Variants in POMC observed in about 807,000 individuals in gnomAD.
POMC encodes the protein proopiomelanocortin, also known as pro-opiomelanocortin.
Under a neutral mutation model 18.5 loss-of-function variants are expected in POMC, and 19 were observed. That is an observed-to-expected ratio of 1.03 (90% CI 0.72 to 1.51). The LOEUF (loss-of-function observed/expected upper bound fraction) is 1.51, where lower values mean the gene tolerates loss of function less well. Ranked by LOEUF, POMC falls within the 40% of genes most tolerant of loss-of-function variation. The pLI, the probability that POMC is intolerant of heterozygous loss-of-function variation, is 0.00. For missense variants in POMC, 451 were observed against 379.0 expected, an observed-to-expected ratio of 1.19 and a Z score of -1.58; for synonymous variants, 179 against 161.9, an observed-to-expected ratio of 1.11 and a Z score of -0.80.
rs759506294 is a variant in POMC, at chr2:25,161,526, C to A, written c.359G>T (p.Gly120Val). 1 of 1,588,844 alleles carries A rather than the reference C, an allele frequency of 6.3e-7. No homozygotes were observed. The highest frequency in any genetic ancestry group is 2.3e-5 in the East Asian group (1 of 43,826). Residue 120 changes from glycine (G) to valine (V), a missense_variant, in exon 3 of 3, where the codon GGC (glycine) becomes GTC (valine). Gly to Val is a moderately radical substitution (Grantham distance 109). Coordinates refer to ENST00000395826, the MANE Select transcript of POMC (RefSeq NM_000939.4). This position sits in a 1 kb window ranked among gnomAD's most constrained non-coding sequence, Gnocchi z 5.7. ...GGCACCATCGCTGCGGGGCTCGGGG[C>A]CGCCCTCAGGCAGCGGGCCGCAGTC... ...GEDCGPLPEG[G>V]PEPRSDGAKP...
intron 2 of POMC, among the ~76,000 whole-genome samples, chr2:25,164,438 C>T (rs1671486933): frequency 6.6e-6 from 1 of 152,220 alleles, no homozygotes; most frequent in South Asian, 2.1e-4. Flanking sequence ...ATTGTGGACT[C>T]AACCCCTCTC....
Position 25,168,154 on chromosome 2 carries a change from C to CAAAA in POMC, c.-21+340_-21+343dup, listed in dbSNP as rs376657620. Among the ~76,000 whole-genome samples, 3,511 of 124,938 alleles carry CAAAA rather than the reference C, an allele frequency of 0.028. 125 individuals carry two copies. Among genetic ancestry groups the CAAAA allele is most frequent in the African/African-American group, 0.085 (2,879 of 33,774 alleles). The allele number at this position is 124,938 out of a possible 152,430, so 82.0% of individuals were successfully genotyped here. On this transcript the variant is annotated intron_variant, in intron 1 of 2. Transcript: ENST00000395826. This position sits in a 1 kb window ranked among gnomAD's most constrained non-coding sequence, Gnocchi z 5.2. ...GGGCAACAAGAGCGAAACTCCGTCT[C>CAAAA]AAAAAAAAAAAAAAAGACCGGGTTG... is the stretch of plus-strand genomic sequence containing the variant.
rs1358092723 is a variant in POMC, at chr2:25,160,948, C to G, written c.*133G>C. 41 of 1,418,656 alleles carry G rather than the reference C, an allele frequency of 2.9e-5. No individual in the cohort carries two copies. The highest frequency in any genetic ancestry group is 3.8e-5 in the Non-Finnish European group (40 of 1,055,120). 87.9% of individuals were successfully genotyped at this position (1,418,656 alleles called of 1,614,324 possible). ...AAATTTGAAAGGTTTTATTTCCTAA[C>G]TACAGGCAGCTTTAAGAGGCTGATT... On this transcript the variant is annotated 3_prime_UTR_variant, in exon 3 of 3. Transcript: ENST00000395826.
At chr2:25,167,955 A>G in intron 1 of POMC, among the ~76,000 whole-genome samples, 1 of 152,122 alleles carries the variant, frequency 6.6e-6, no homozygotes, top group East Asian at 1.9e-4. Context: ...GGAGTTTGAG[A>G]CCAGCCTGAC....
chr2:25,161,697 C>T lies in POMC; in HGVS notation c.188G>A (p.Gly63Glu), dbSNP rs1158622983. The change falls in exon 3 of 3, where the codon GGA becomes GAA. Residue 63 changes from glycine (G) to glutamate (E), a missense_variant. Transcript: ENST00000395826. This position sits in a 1 kb window ranked among gnomAD's most constrained non-coding sequence, Gnocchi z 5.7. ...DLSAETPMFPGNGDEQPLTEN... is the reference protein window; with the variant it reads ...DLSAETPMFPENGDEQPLTEN... The stretch of plus-strand genomic sequence containing the variant: ...GGTCAGAGGCTGCTCGTCGCCATTT[C>T]CCGGGAACATGGGAGTCTCGGCCGA... The T allele has an allele frequency of 1.3e-6, 2 of 1,586,076 alleles. No homozygotes were observed. Among genetic ancestry groups the T allele is most frequent in the East Asian group, 2.3e-5 (1 of 43,004 alleles).
At chr2:25,164,332 A>T (rs1671483068) in intron 2 of POMC, among the ~76,000 whole-genome samples, 1 of 152,168 alleles carries the variant, frequency 6.6e-6, no homozygotes, top group Non-Finnish European at 1.5e-5. Flanking sequence ...GAATAGATTG[A>T]GGGGTCCATT....
rs746125905 is a variant in POMC, at chr2:25,161,596, T to G, written c.289A>C (p.Ser97Arg). 9.0e-6 allele frequency: 14 copies of G among 1,556,664 alleles called. No individual in the cohort carries two copies. In the Admixed American group the frequency reaches 1.7e-4, roughly 19 times the overall value. Residue 97 changes from serine (S) to arginine (R), a missense_variant, in exon 3 of 3, where the codon AGC becomes CGC. By Grantham distance (110) the Ser-to-Arg change is moderately radical (BLOSUM62 -1). Coordinates refer to ENST00000395826, the MANE Select transcript of POMC (RefSeq NM_000939.4). The surrounding 1 kb of genome is among the most constrained non-coding windows in gnomAD (Gnocchi z 5.7). ...TCGCGCTTCTGCCCTGCGCCGCTGC[T>G]GCCGCTGCTGCTGCTGTTGCGGCGG... The part of the protein sequence containing the change: ...FGRRNSSSSG[S>R]SGAGQKREDV...
chr2:25,163,355 G>C (rs1019534478), intron 2 of POMC, among the ~76,000 whole-genome samples: 3 of 152,244 alleles, frequency 2.0e-5, no homozygotes, highest in African/African-American at 7.2e-5. Flanking sequence ...TCCCTGGTGA[G>C]CTGTGCTGTG....
chr2:25,160,968 C>T lies in POMC; in HGVS notation c.*113G>A. 2 of 1,528,828 alleles carry T rather than the reference C, an allele frequency of 1.3e-6. No individual in the cohort carries two copies. The highest frequency in any genetic ancestry group is 1.8e-6 in the Non-Finnish European group (2 of 1,134,380). 94.7% of individuals were successfully genotyped at this position (1,528,828 alleles called of 1,614,324 possible). A position where few individuals can be genotyped will look rare whatever the true frequency, so the allele number is the denominator to read the frequency against. On this transcript the variant is annotated 3_prime_UTR_variant, in exon 3 of 3. Coordinates refer to ENST00000395826, the MANE Select transcript of POMC (RefSeq NM_000939.4). ...CCTAACTACAGGCAGCTTTAAGAGG[C>T]TGATTATCTGCCACGACCCCCCAGG...
In POMC at chr2:25,166,287, C is replaced by T. The variant is rs568860172; in HGVS notation, c.-20-1495G>A. Among the ~76,000 whole-genome samples, 8 of 152,336 alleles carry T rather than the reference C, an allele frequency of 5.3e-5. No individual in the cohort carries two copies. The East Asian group carries it at 5.8e-4, about 11-fold the overall frequency. ...CGCTTCGGCTAAAGGGGCAACTGAA[C>T]GAGCTTTGGTCAACCTTGGTGTCCT... On this transcript the variant is annotated intron_variant, in intron 1 of 2. Transcript: ENST00000395826.
chr2:25,167,139 TA>T (rs1014502546), intron 1 of POMC, among the ~76,000 whole-genome samples: 2 of 152,172 alleles, frequency 1.3e-5, no homozygotes, highest in African/African-American at 4.8e-5. Context: ...TGACCTTTTG[TA>T]AAGATTAGAG....
chr2:25,162,529 T>A (rs1343094508), intron 2 of POMC, among the ~76,000 whole-genome samples: 2 of 149,796 alleles, frequency 1.3e-5, no homozygotes, highest in African/African-American at 4.9e-5. Context: ...AGGAGGGGAG[T>A]GGGGCTGAAA....
In POMC at chr2:25,164,756, C is replaced by G. The variant is rs776016303; in HGVS notation, c.17G>C (p.Cys6Ser). The G allele has an allele frequency of 6.2e-7, 1 of 1,613,992 alleles. No homozygotes were observed. The highest frequency in any genetic ancestry group is 1.7e-5 in the Admixed American group (1 of 60,028). MPRSC[C>S]SRSGALLLAL... ...CAGCAACAGGGCCCCCGAGCGGCTG[C>G]AGCACGATCTCGGCATCTTCCAGGC... Residue 6 changes from cysteine to serine, a missense_variant, in exon 2 of 3, where the codon TGC becomes TCC. Cys to Ser is a moderately radical substitution (Grantham distance 112, BLOSUM62 -1). Coordinates refer to ENST00000395826, the MANE Select transcript of POMC (RefSeq NM_000939.4).
At chr2:25,166,593 A>G (rs1234534300) in intron 1 of POMC, among the ~76,000 whole-genome samples, 3 of 152,176 alleles carry the variant, frequency 2.0e-5, no homozygotes, top group African/African-American at 7.2e-5. Flanking sequence ...AAAGATAACT[A>G]CTCTGGAGTG....
rs757423347 is a variant in POMC at position 25,161,247 on chromosome 2, G to A, written c.638C>T (p.Ala213Val). The A allele has an allele frequency of 2.1e-5, 34 of 1,611,794 alleles. No individual in the cohort carries two copies. Among genetic ancestry groups the A allele is most frequent in the Admixed American group, 1.5e-4 (9 of 59,926 alleles). ...ADLEHSLLVA[A>V]EKKDEGPYRM... ...GTAGGGGCCCTCGTCCTTCTTCTCGGCCGCCACCAGCAGGCTGTGCTCCAG... is the reference window on the plus strand; with the variant it reads ...GTAGGGGCCCTCGTCCTTCTTCTCGACCGCCACCAGCAGGCTGTGCTCCAG... Residue 213 changes from alanine (A) to valine (V), a missense_variant, in exon 3 of 3, where the codon GCC becomes GTC. Physicochemically the swap from Ala to Val is moderately conservative, Grantham distance 64. Transcript: ENST00000395826. The surrounding 1 kb of genome is among the most constrained non-coding windows in gnomAD (Gnocchi z 5.7).
rs1281182649 is a variant in POMC, at chr2:25,161,666, G to A, written c.219C>T (p.Asn73=). Residue 73 remains asparagine, a synonymous_variant, in exon 3 of 3, where the codon AAC becomes AAT. Transcript: ENST00000395826. This position sits in a 1 kb window ranked among gnomAD's most constrained non-coding sequence, Gnocchi z 5.7. ...AGTGGCCCATGACGTACTTCCGGGGGTTCTCGGTCAGAGGCTGCTCGTCGC... is the reference window on the plus strand; with the variant it reads ...AGTGGCCCATGACGTACTTCCGGGGATTCTCGGTCAGAGGCTGCTCGTCGC... ...GNGDEQPLTE[N]PRKYVMGHFR... The A allele has an allele frequency of 7.7e-6, 12 of 1,562,616 alleles. No homozygotes were observed. Among genetic ancestry groups the A allele is most frequent in the South Asian group, 3.5e-5 (3 of 84,974 alleles).
intron 2 of POMC, 143 bp downstream of exon 2, chr2:25,164,498 G>T: frequency 7.5e-7 from 1 of 1,328,994 alleles, no homozygotes. Context: ...TTACTTCACT[G>T]CAAAGTTTTG....
chr2:25,165,416 C>G (rs946410577), intron 1 of POMC, among the ~76,000 whole-genome samples: 4 of 152,178 alleles, frequency 2.6e-5, no homozygotes, highest in Non-Finnish European at 5.9e-5. Context: ...GATTTGATGT[C>G]CTGCACACAA....
intron 1 of POMC, chr2:25,165,763 C>A (rs1006215671): frequency 2.0e-5 from 3 of 152,138 alleles, no homozygotes; most frequent in African/African-American, 4.8e-5. Context: ...CCCCCTGTAC[C>A]CACCCCTCTC....
Sources: gnomAD v4.1 joint callset for allele counts (sites outside exome capture counted in the v4.1 genomes callset) on GRCh38, gnomAD v4.1.1 for gene constraint, Gnocchi (gnomAD v3.1) non-coding constraint, MANE v1.5 for transcripts, NCBI Gene and HGNC (gene_info 2026-07-23, HGNC 2026-07-21) for gene names.